FAM110B: variants seen among roughly 807,000 people sequenced by gnomAD.
FAM110B encodes protein FAM110B.
Under a neutral mutation model 20.4 loss-of-function variants are expected in FAM110B, and 6 were observed. That is an observed-to-expected ratio of 0.29 (90% CI 0.16 to 0.58). FAM110B has a LOEUF of 0.58. Among genes scored for constraint, FAM110B ranks in the 20% least tolerant of loss-of-function variants. FAM110B has a pLI of 0.90. For missense variants in FAM110B, 434 were observed against 498.2 expected (o/e 0.87, Z 1.23); for synonymous variants, 226 against 214.1 (o/e 1.06, Z -0.49).
Position 58,146,841 on chromosome 8 carries a change from G to T in FAM110B, c.611G>T (p.Arg204Leu), listed in dbSNP as rs903232922. The T allele has an allele frequency of 1.1e-5, 17 of 1,612,898 alleles. No individual in the cohort carries two copies. The highest frequency in any genetic ancestry group is 1.4e-5 in the Non-Finnish European group (16 of 1,179,502). ...GTGTCCCACAGCTCTTCGGACATCCGCAAGGTGACCAGCGTGAAGCCCCTC... is the reference window on the plus strand; with the variant it reads ...GTGTCCCACAGCTCTTCGGACATCCTCAAGGTGACCAGCGTGAAGCCCCTC... The part of the protein sequence containing the change: ...LHVSHSSSDI[R>L]KVTSVKPLKA... The change falls in exon 4 of 4, where the codon CGC (arginine) becomes CTC (leucine). Residue 204 changes from arginine to leucine, a missense_variant. Physicochemically the swap from Arg to Leu is moderately radical, Grantham distance 102. Around this residue, in one of 3 missense-constraint regions of FAM110B, gnomAD observed 284 missense variants for 278.3 expected, o/e 1.02. Transcript: ENST00000519262.
chr8:58,116,093 T>C (rs1807204561), intron 3 of FAM110B, among the ~76,000 whole-genome samples: 1 of 152,176 alleles, frequency 6.6e-6, no homozygotes, highest in Admixed American at 6.5e-5. Context: ...CATACATACG[T>C]ACATACATAC....
chr8:57,996,744 A>G (rs1804191460), intron 1 of FAM110B, among the ~76,000 whole-genome samples: 1 of 152,218 alleles, frequency 6.6e-6, no homozygotes, highest in Non-Finnish European at 1.5e-5. Context: ...TCCAATTCCC[A>G]ATGGAAAGAA....
intron 1 of FAM110B, among the ~76,000 whole-genome samples, chr8:58,007,988 A>G (rs1804447242): frequency 6.6e-6 from 1 of 152,186 alleles, no homozygotes; most frequent in Non-Finnish European, 1.5e-5. Flanking sequence ...ATCAACAAGA[A>G]GGTAAATTTC....
intron 2 of FAM110B, among the ~76,000 whole-genome samples, chr8:58,073,633 T>C (rs1188681624): frequency 6.6e-6 from 1 of 152,236 alleles, no homozygotes; most frequent in African/African-American, 2.4e-5. Flanking sequence ...AAATGCATCT[T>C]AGATAAATCA....
At chr8:58,133,484 A>G (rs1585914286) in intron 3 of FAM110B, among the ~76,000 whole-genome samples, 1 of 152,156 alleles carries the variant, frequency 6.6e-6, no homozygotes, top group Admixed American at 6.5e-5. Context: ...ACCACTCACC[A>G]TTCGGGAATG....
At chr8:58,082,467 T>C (rs1318962095) in intron 3 of FAM110B, among the ~76,000 whole-genome samples, 1 of 152,258 alleles carries the variant, frequency 6.6e-6, no homozygotes, top group African/African-American at 2.4e-5. Context: ...ATTTACATTC[T>C]ATGTCCTCAG....
chr8:58,082,741 G>C (rs1237608230), intron 3 of FAM110B, among the ~76,000 whole-genome samples: 1 of 152,112 alleles, frequency 6.6e-6, no homozygotes, highest in African/African-American at 2.4e-5. Context: ...GCTTTGGGAG[G>C]CTGAGGTGGG....
At chr8:58,101,297 A>G (rs1806774178) in intron 3 of FAM110B, among the ~76,000 whole-genome samples, 1 of 152,236 alleles carries the variant, frequency 6.6e-6, no homozygotes, top group Non-Finnish European at 1.5e-5. Flanking sequence ...CAAATCAAAC[A>G]CAATTGGTGT....
At chr8:58,095,900 T>C (rs1302866242) in intron 3 of FAM110B, among the ~76,000 whole-genome samples, 1 of 152,202 alleles carries the variant, frequency 6.6e-6, no homozygotes, top group Non-Finnish European at 1.5e-5. Context: ...CTCTAAGGAC[T>C]TGCTTTATGA....
chr8:58,014,440 G>A (rs1251061567), intron 1 of FAM110B, among the ~76,000 whole-genome samples: 2 of 152,196 alleles, frequency 1.3e-5, no homozygotes, highest in African/African-American at 4.8e-5. Flanking sequence ...GTGATCCTGA[G>A]CCTGTCTGGG....
At chr8:58,108,172 G>T (rs538012005) in intron 3 of FAM110B, among the ~76,000 whole-genome samples, 5 of 152,170 alleles carry the variant, frequency 3.3e-5, no homozygotes, top group African/African-American at 7.2e-5. Context: ...AAAACATTTT[G>T]TCTGAGCCTG....
chr8:58,017,846 A>G (rs1804670529), intron 1 of FAM110B, among the ~76,000 whole-genome samples: 1 of 152,234 alleles, frequency 6.6e-6, no homozygotes, highest in East Asian at 1.9e-4. Context: ...AAGCTGAGAA[A>G]TACCTGAACA....
At chr8:58,037,894 C>A (rs995599769) in intron 2 of FAM110B, among the ~76,000 whole-genome samples, 3 of 152,108 alleles carry the variant, frequency 2.0e-5, no homozygotes, top group African/African-American at 7.2e-5. Flanking sequence ...CTTTCTCCTT[C>A]CCCCACTACA....
At chr8:58,061,292 T>C (rs1303851124) in intron 2 of FAM110B, among the ~76,000 whole-genome samples, 1 of 152,226 alleles carries the variant, frequency 6.6e-6, no homozygotes, top group Non-Finnish European at 1.5e-5. Context: ...GGTTTTCTGC[T>C]CATCTGTCGG....
chr8:58,010,166 A>G (rs374864660), intron 1 of FAM110B, among the ~76,000 whole-genome samples: 1 of 150,698 alleles, frequency 6.6e-6, no homozygotes, highest in East Asian at 1.9e-4. Context: ...ACAGATGCGC[A>G]ACATGACGCC....
At chr8:58,081,638 C>G (rs73682132) in intron 3 of FAM110B, among the ~76,000 whole-genome samples, 1 of 152,120 alleles carries the variant, frequency 6.6e-6, no homozygotes, top group Non-Finnish European at 1.5e-5. Context: ...TCAAAGTCAG[C>G]GTCTGTTATT....
At chr8:58,044,878 A>C (rs991529023) in intron 2 of FAM110B, among the ~76,000 whole-genome samples, 1 of 152,202 alleles carries the variant, frequency 6.6e-6, no homozygotes. Context: ...CAGAGCCCTC[A>C]AACTGTTTTT....
At chr8:58,071,407 C>T (rs1039394791) in intron 2 of FAM110B, among the ~76,000 whole-genome samples, 4 of 152,210 alleles carry the variant, frequency 2.6e-5, no homozygotes, top group African/African-American at 9.7e-5. Flanking sequence ...CGGCTGGCTG[C>T]CAGCCACCAC....
intron 3 of FAM110B, among the ~76,000 whole-genome samples, chr8:58,131,855 A>G (rs971117593): frequency 1.3e-5 from 2 of 152,182 alleles, no homozygotes; most frequent in Admixed American, 1.3e-4. Context: ...AACTTGATTA[A>G]ACAGGTTCCC....
Sources: gnomAD v4.1 joint callset for allele counts (sites outside exome capture counted in the v4.1 genomes callset) on GRCh38, gnomAD v4.1.1 for gene constraint, gnomAD v4.1.1 regional missense constraint, MANE v1.5 for transcripts, NCBI Gene and HGNC (gene_info 2026-07-23, HGNC 2026-07-21) for gene names.